Variants in RASGEF1C observed in about 807,000 individuals in gnomAD.
RASGEF1C encodes the protein ras-GEF domain-containing family member 1C.
RASGEF1C carries 27 observed loss-of-function variants against 58.1 expected under a neutral mutation model. The observed-to-expected ratio is 0.46, with a 90% CI of 0.34 to 0.64. RASGEF1C has a LOEUF of 0.64. Ranked by LOEUF, RASGEF1C falls within the 30% of genes least tolerant of loss-of-function variation. RASGEF1C has a pLI of 0.01. For synonymous variants in RASGEF1C, 243 were observed against 246.3 expected (o/e 0.99, Z 0.13); for missense variants, 502 against 605.1 (o/e 0.83, Z 1.79).
intron 1 of RASGEF1C, among the ~76,000 whole-genome samples, chr5:180,187,602 TAA>T (rs1357405614): frequency 6.6e-6 from 1 of 152,196 alleles, no homozygotes; most frequent in African/African-American, 2.4e-5. Flanking sequence ...TATACACCTG[TAA>T]GAGTCTAGTA....
chr5:180,119,166 G>T (rs115241460), intron 8 of RASGEF1C, among the ~76,000 whole-genome samples, 180 bp downstream of exon 8: 1,802 of 152,334 alleles, frequency 0.012, 31 homozygotes, highest in African/African-American at 0.041. Flanking sequence ...AAAAGGGGTG[G>T]CTCCCCAGGA....
intron 4 of RASGEF1C, among the ~76,000 whole-genome samples, chr5:180,132,206 C>T (rs1449457218): frequency 2.6e-5 from 4 of 152,232 alleles, no homozygotes; most frequent in Admixed American, 1.3e-4. Flanking sequence ...GCCCTCTCTC[C>T]GCACTGATCA....
At chr5:180,140,512 C>G (rs1369510881) in intron 1 of RASGEF1C, among the ~76,000 whole-genome samples, 5 of 152,192 alleles carry the variant, frequency 3.3e-5, no homozygotes, top group Non-Finnish European at 7.3e-5. Flanking sequence ...GGGGTGACCA[C>G]TCTCTGTGCT....
chr5:180,115,343 T>C (rs1766048368), intron 10 of RASGEF1C: 1 of 422,756 alleles, frequency 2.4e-6, no homozygotes, highest in South Asian at 1.7e-5. Context: ...TTCTTGATGC[T>C]AAGATCTGAT....
intron 12 of RASGEF1C, among the ~76,000 whole-genome samples, chr5:180,105,450 T>C (rs1462990033): frequency 1.3e-5 from 2 of 151,290 alleles, no homozygotes; most frequent in Non-Finnish European, 2.9e-5. Context: ...TAGTCCCAGC[T>C]ACTCGGGAGG....
chr5:180,114,557 G>A lies in RASGEF1C; in HGVS notation c.1084-16C>T. 2 of 1,603,766 alleles carry A rather than the reference G, an allele frequency of 1.2e-6. No individual in the cohort carries two copies. Among genetic ancestry groups the A allele is most frequent in the Non-Finnish European group, 1.7e-6 (2 of 1,173,818 alleles). ...GAATGACAATCTGGAAGAAAGAGGG[G>A]GCAGGTCGGCCCCAGCCGGCCCTCC... On this transcript the variant is annotated splice_polypyrimidine_tract_variant and intron_variant, in intron 10 of 13. Coordinates refer to ENST00000361132, the MANE Select transcript of RASGEF1C (RefSeq NM_175062.4).
intron 1 of RASGEF1C, among the ~76,000 whole-genome samples, chr5:180,165,742 A>T (rs1207353207): frequency 7.7e-6 from 1 of 129,690 alleles, no homozygotes. Flanking sequence ...TATTTCATTT[A>T]ATTTTTCCTT....
chr5:180,166,767 C>T (rs991325835), intron 1 of RASGEF1C, among the ~76,000 whole-genome samples: 5 of 152,096 alleles, frequency 3.3e-5, no homozygotes, highest in Non-Finnish European at 7.4e-5. Context: ...CCACCCGCCT[C>T]GGCCTCCCAA....
At chr5:180,131,897 C>T (rs776959482) in intron 4 of RASGEF1C, among the ~76,000 whole-genome samples, 5 of 152,202 alleles carry the variant, frequency 3.3e-5, no homozygotes, top group East Asian at 1.9e-4. Context: ...TAATTTATTT[C>T]GATTTTTCCA....
intron 6 of RASGEF1C, among the ~76,000 whole-genome samples, chr5:180,125,007 C>A (rs1303386750): frequency 6.6e-6 from 1 of 152,096 alleles, no homozygotes; most frequent in Non-Finnish European, 1.5e-5. Flanking sequence ...GAGGCATGTG[C>A]CTGTAGTCCC....
chr5:180,133,205 C>T (rs1766399493), intron 4 of RASGEF1C, among the ~76,000 whole-genome samples: 1 of 152,184 alleles, frequency 6.6e-6, no homozygotes, highest in Admixed American at 6.5e-5. Flanking sequence ...CTGCCTAGCA[C>T]AGGGTGGCCC....
At chr5:180,190,209 C>T (rs146133142) in intron 1 of RASGEF1C, among the ~76,000 whole-genome samples, 54 of 151,996 alleles carry the variant, frequency 3.6e-4, no homozygotes, top group African/African-American at 1.3e-3. Context: ...AATAATAGGC[C>T]GGGCACGGTG....
chr5:180,114,565 G>T, intron 10 of RASGEF1C, 24 bp from the exon 11 acceptor site: 1 of 1,592,032 alleles, frequency 6.3e-7, no homozygotes, highest in South Asian at 1.1e-5. Flanking sequence ...GGGGCAGGTC[G>T]GCCCCAGCCG....
At chr5:180,166,746 C>A (rs1211838432) in intron 1 of RASGEF1C, among the ~76,000 whole-genome samples, 1 of 152,024 alleles carries the variant, frequency 6.6e-6, no homozygotes, top group African/African-American at 2.4e-5. Flanking sequence ...AAACTCCTCA[C>A]CTCAGATGAT....
At chr5:180,208,847 C>T (rs1756541907) in intron 1 of RASGEF1C, among the ~76,000 whole-genome samples, 181 bp downstream of exon 1, 1 of 151,152 alleles carries the variant, frequency 6.6e-6, no homozygotes, top group Admixed American at 6.6e-5. Context: ...GCTACCCCCG[C>T]GCCTCCAGTC....
chr5:180,203,929 G>T (rs919592119), intron 1 of RASGEF1C, among the ~76,000 whole-genome samples: 1 of 152,254 alleles, frequency 6.6e-6, no homozygotes, highest in East Asian at 1.9e-4. Context: ...GGAGGCAGAG[G>T]TTGGAGTGAG....
At chr5:180,132,772 A>C (rs527418934) in intron 4 of RASGEF1C, among the ~76,000 whole-genome samples, 1 of 152,000 alleles carries the variant, frequency 6.6e-6, no homozygotes, top group Non-Finnish European at 1.5e-5. Context: ...AGTTCGAGAC[A>C]AGCCTGGCCA....
At chr5:180,117,353 C>T (rs1271083462) in intron 10 of RASGEF1C, among the ~76,000 whole-genome samples, 2 of 152,248 alleles carry the variant, frequency 1.3e-5, no homozygotes, top group African/African-American at 4.8e-5. Context: ...CAAACCTGCC[C>T]ACTGGCTTCC....
intron 7 of RASGEF1C, among the ~76,000 whole-genome samples, chr5:180,119,905 C>T (rs1766138467): frequency 1.3e-5 from 2 of 152,228 alleles, no homozygotes; most frequent in Admixed American, 6.5e-5. Flanking sequence ...GACTGGTAAA[C>T]CCTTGTCTGT....
Sources: gnomAD v4.1 joint callset for allele counts (sites outside exome capture counted in the v4.1 genomes callset) on GRCh38, gnomAD v4.1.1 for gene constraint, MANE v1.5 for transcripts, NCBI Gene and HGNC (gene_info 2026-07-23, HGNC 2026-07-21) for gene names.